The following RABGAP1L variants were observed in gnomAD, a reference collection of about 807,000 sequenced individuals.
RABGAP1L encodes rab GTPase-activating protein 1-like.
Under a neutral mutation model 137.7 loss-of-function variants are expected in RABGAP1L, and 63 were observed. The observed-to-expected ratio is 0.46, with a 90% CI of 0.37 to 0.56. RABGAP1L has a LOEUF of 0.56. Among genes scored for constraint, RABGAP1L ranks in the 20% least tolerant of loss-of-function variants. RABGAP1L has a pLI of 0.00. For missense variants in RABGAP1L, 1,095 were observed against 1,244.0 expected (o/e 0.88, Z 1.80); for synonymous variants, 431 against 433.7 (o/e 0.99, Z 0.08).
At chr1:174,589,610 T>C (rs1669395157) in intron 13 of RABGAP1L, among the ~76,000 whole-genome samples, 1 of 152,214 alleles carries the variant, frequency 6.6e-6, no homozygotes, top group African/African-American at 2.4e-5. Flanking sequence ...TTTAAGCCTT[T>C]AGTCCACTTT....
At chr1:174,749,305 T>C (rs1000089595) in intron 17 of RABGAP1L, among the ~76,000 whole-genome samples, 2 of 152,084 alleles carry the variant, frequency 1.3e-5, no homozygotes, top group South Asian at 2.1e-4. Flanking sequence ...ATGTTATCTT[T>C]TTTTTTTTCT....
intron 14 of RABGAP1L, among the ~76,000 whole-genome samples, chr1:174,644,372 T>TA (rs1176742547): frequency 6.6e-6 from 1 of 151,996 alleles, no homozygotes; most frequent in East Asian, 1.9e-4. Context: ...ATCACACTCT[T>TA]ACTAGGATAC....
intron 19 of RABGAP1L, among the ~76,000 whole-genome samples, chr1:174,821,007 A>G (rs1321492180): frequency 1.8e-5 from 2 of 111,774 alleles, no homozygotes; most frequent in Non-Finnish European, 3.8e-5. Context: ...ACAGAGTGAG[A>G]CTCCATCTCA....
chr1:174,541,855 T>G (rs1456048323), intron 13 of RABGAP1L, among the ~76,000 whole-genome samples: 1 of 152,254 alleles, frequency 6.6e-6, no homozygotes, highest in African/African-American at 2.4e-5. Context: ...GATAATCATC[T>G]GTTTTTTGTC....
chr1:174,919,578 G>C (rs1661469695), intron 19 of RABGAP1L, among the ~76,000 whole-genome samples: 1 of 152,122 alleles, frequency 6.6e-6, no homozygotes, highest in South Asian at 2.1e-4. Flanking sequence ...TTTAAGCCAG[G>C]CATGGTGGCT....
chr1:174,164,064 A>AT (rs916847078), intron 1 of RABGAP1L, among the ~76,000 whole-genome samples: 19 of 149,810 alleles, frequency 1.3e-4, no homozygotes, highest in East Asian at 5.9e-4. Context: ...AATTATCTGG[A>AT]TTTTTTTTTT....
At chr1:174,255,115 T>G (rs181860739) in intron 7 of RABGAP1L, among the ~76,000 whole-genome samples, 2 of 152,216 alleles carry the variant, frequency 1.3e-5, no homozygotes, top group African/African-American at 2.4e-5. Flanking sequence ...TTCATATGTT[T>G]GTTGGCCGCA....
chr1:174,647,439 G>A (rs1675064637), intron 14 of RABGAP1L, among the ~76,000 whole-genome samples: 1 of 152,090 alleles, frequency 6.6e-6, no homozygotes, highest in African/African-American at 2.4e-5. Flanking sequence ...TTTTATCGAA[G>A]CCCTTTCCGC....
chr1:174,574,387 C>T (rs745558732), intron 13 of RABGAP1L, among the ~76,000 whole-genome samples: 22 of 151,858 alleles, frequency 1.4e-4, no homozygotes, highest in Non-Finnish European at 2.2e-4. Context: ...TTTTTTTAAT[C>T]GATTTACGTC....
At chr1:174,415,332 A>G (rs1650424147) in intron 13 of RABGAP1L, among the ~76,000 whole-genome samples, 1 of 152,088 alleles carries the variant, frequency 6.6e-6, no homozygotes, top group African/African-American at 2.4e-5. Flanking sequence ...AATTTTCTAC[A>G]TACAAACATT....
At chr1:174,219,362 G>A (rs2148463609) in intron 2 of RABGAP1L, 67 bp downstream of exon 2, 1 of 1,141,046 alleles carries the variant, frequency 8.8e-7, no homozygotes, top group South Asian at 2.0e-5. Flanking sequence ...TAGGAGATGT[G>A]TAAAATGCAA....
chr1:174,514,456 A>G (rs1375023101), intron 13 of RABGAP1L, among the ~76,000 whole-genome samples: 1 of 152,128 alleles, frequency 6.6e-6, no homozygotes, highest in Admixed American at 6.6e-5. Flanking sequence ...ACCATGAGAT[A>G]GAGGAGGGTA....
intron 1 of RABGAP1L, among the ~76,000 whole-genome samples, chr1:174,163,060 A>C (rs906731967): frequency 6.6e-6 from 1 of 151,948 alleles, no homozygotes; most frequent in Non-Finnish European, 1.5e-5. Flanking sequence ...TTTCTTGTGG[A>C]GATGATCTGA....
At chr1:174,250,673 G>C (rs1368528558) in intron 6 of RABGAP1L, 41 bp downstream of exon 6, 1 of 1,577,072 alleles carries the variant, frequency 6.3e-7, no homozygotes, top group African/African-American at 1.4e-5. Flanking sequence ...ATTGTATCTG[G>C]AGTATAATAT....
At chr1:174,326,193 T>C (rs1680424889) in intron 11 of RABGAP1L, among the ~76,000 whole-genome samples, 1 of 152,170 alleles carries the variant, frequency 6.6e-6, no homozygotes, top group South Asian at 2.1e-4. Context: ...AAAAATGGCC[T>C]CACCAAAAGG....
intron 13 of RABGAP1L, among the ~76,000 whole-genome samples, chr1:174,598,658 C>A (rs925841679): frequency 4.6e-5 from 7 of 151,894 alleles, no homozygotes; most frequent in African/African-American, 1.7e-4. Context: ...TATATAATGA[C>A]CTTTTGGTCT....
At chr1:174,341,246 A>G (rs571436124) in intron 11 of RABGAP1L, among the ~76,000 whole-genome samples, 27 of 152,100 alleles carry the variant, frequency 1.8e-4, no homozygotes, top group Admixed American at 1.7e-3. Flanking sequence ...CATTTTTCTA[A>G]CTTCAGTGTG....
At chr1:174,295,575 G>A (rs890776125) in intron 10 of RABGAP1L, among the ~76,000 whole-genome samples, 2 of 151,746 alleles carry the variant, frequency 1.3e-5, no homozygotes, top group Non-Finnish European at 2.9e-5. Flanking sequence ...TAGTAGAGAC[G>A]GGGTTTCACT....
rs950168087 is a variant in RABGAP1L at position 174,186,208 on chromosome 1, T to G, written c.-34+26551T>G. Among the ~76,000 whole-genome samples the G allele has an allele frequency of 2.6e-5, 4 of 152,156 alleles. No individual in the cohort carries two copies. In the South Asian group the frequency reaches 8.3e-4, roughly 32 times the overall value. Reference sequence around the variant, plus strand: ...AATTCTAAGAGAGTTTTATGTTGACTTCTAGTGCTTTTTGGGCGCTGATGC... The same window carrying G: ...AATTCTAAGAGAGTTTTATGTTGACGTCTAGTGCTTTTTGGGCGCTGATGC... On this transcript the variant is annotated intron_variant, in intron 1 of 25. Transcript: ENST00000681986.
Sources: allele counts gnomAD v4.1 joint callset (sites outside exome capture counted in the v4.1 genomes callset), GRCh38; gene constraint gnomAD v4.1.1; transcripts MANE v1.5; gene names NCBI Gene and HGNC (gene_info 2026-07-23, HGNC 2026-07-21).